The following PRKN variants were observed in gnomAD, a reference collection of about 807,000 sequenced individuals.
PRKN encodes the protein E3 ubiquitin-protein ligase parkin.
Under a neutral mutation model 59.5 loss-of-function variants are expected in PRKN, and 56 were observed. The ratio of observed to expected loss-of-function variants is 0.94; its 90% CI spans 0.76 to 1.18. The LOEUF (loss-of-function observed/expected upper bound fraction) is 1.18, where lower values mean the gene tolerates loss of function less well. Ranked by LOEUF, PRKN falls within the 50% of genes most tolerant of loss-of-function variation. The probability of loss-of-function intolerance (pLI) is 0.00; values close to 1 mark genes in which losing one functional copy is unlikely to be tolerated. For synonymous variants in PRKN, 250 were observed against 222.1 expected (o/e 1.13, Z -1.12); for missense variants, 657 against 596.4 (o/e 1.10, Z -1.06).
At chr6:162,235,604 G>A (rs543291868) in intron 3 of PRKN, among the ~76,000 whole-genome samples, 5 of 152,134 alleles carry the variant, frequency 3.3e-5, no homozygotes, top group African/African-American at 1.2e-4. Flanking sequence ...TCAGGAGTTC[G>A]AGACTAGCCT....
chr6:162,196,733 A>G (rs954443689), intron 4 of PRKN, among the ~76,000 whole-genome samples: 17 of 152,202 alleles, frequency 1.1e-4, no homozygotes, highest in African/African-American at 4.1e-4. Flanking sequence ...GGACAAAATT[A>G]ACTATCCATT....
intron 6 of PRKN, among the ~76,000 whole-genome samples, chr6:161,964,653 G>A (rs1407301530): frequency 6.6e-6 from 1 of 151,960 alleles, no homozygotes; most frequent in Non-Finnish European, 1.5e-5. Flanking sequence ...AGCTCTGTGT[G>A]CACAAACACT....
intron 7 of PRKN, among the ~76,000 whole-genome samples, chr6:161,583,908 C>T (rs1296141017): frequency 6.6e-6 from 1 of 152,172 alleles, no homozygotes; most frequent in Non-Finnish European, 1.5e-5. Context: ...CATTCAGAGG[C>T]ATTAAATTGG....
intron 6 of PRKN, among the ~76,000 whole-genome samples, chr6:161,955,702 T>A (rs1780146765): frequency 6.6e-6 from 1 of 151,960 alleles, no homozygotes; most frequent in South Asian, 2.1e-4. Flanking sequence ...AATACAAAAT[T>A]AGCCAGGCAT....
intron 3 of PRKN, among the ~76,000 whole-genome samples, chr6:162,235,200 A>G (rs950042237): frequency 6.6e-6 from 1 of 152,160 alleles, no homozygotes; most frequent in African/African-American, 2.4e-5. Context: ...TACTGTCCAG[A>G]TTGCTTTTAA....
chr6:162,383,707 A>AT (rs1305659992), intron 2 of PRKN, among the ~76,000 whole-genome samples: 2 of 152,206 alleles, frequency 1.3e-5, no homozygotes, highest in African/African-American at 2.4e-5. Flanking sequence ...CCATGCATTG[A>AT]TTTTTTCTCT....
At chr6:162,674,501 C>T (rs895434467) in intron 1 of PRKN, among the ~76,000 whole-genome samples, 1 of 152,098 alleles carries the variant, frequency 6.6e-6, no homozygotes. Flanking sequence ...GATTGGACAA[C>T]ATAACTAAGG....
chr6:161,754,539 C>T (rs768268520), intron 7 of PRKN, among the ~76,000 whole-genome samples: 5 of 151,976 alleles, frequency 3.3e-5, no homozygotes, highest in East Asian at 3.9e-4. Context: ...GAGAAGACAG[C>T]GGAATTGAAG....
At chr6:162,258,650 C>T (rs1439210699) in intron 3 of PRKN, among the ~76,000 whole-genome samples, 1 of 152,192 alleles carries the variant, frequency 6.6e-6, no homozygotes, top group East Asian at 1.9e-4. Context: ...TGGGAGCTTG[C>T]TGGAAACGCA....
rs114629569 is a variant in PRKN, at chr6:161,859,511, T to A, written c.735-73603A>T. Among the ~76,000 whole-genome samples the A allele has an allele frequency of 6.2e-3, 920 of 149,034 alleles. 16 individuals are homozygous for A. The highest frequency in any genetic ancestry group is 0.021 in the African/African-American group (864 of 40,454). On this transcript the variant is annotated intron_variant, in intron 6 of 11. Transcript: ENST00000366898. ...CTGTAATCTCAGCTACTCGGGAGGATGTGGCAGAAGAATTGCTTGAATCAG... is the reference window on the plus strand; with the variant it reads ...CTGTAATCTCAGCTACTCGGGAGGAAGTGGCAGAAGAATTGCTTGAATCAG...
intron 3 of PRKN, among the ~76,000 whole-genome samples, chr6:162,228,631 T>G (rs1231500139): frequency 2.0e-5 from 3 of 152,208 alleles, no homozygotes; most frequent in African/African-American, 7.2e-5. Flanking sequence ...GATAAATATG[T>G]GAGCTGATTG....
At chr6:161,625,592 TG>T (rs1225973958) in intron 7 of PRKN, among the ~76,000 whole-genome samples, 2 of 152,166 alleles carry the variant, frequency 1.3e-5, no homozygotes, top group Non-Finnish European at 2.9e-5. Flanking sequence ...ATAAAGTAGA[TG>T]ATTTCTCAAT....
At chr6:162,035,556 C>T (rs1313284158) in intron 5 of PRKN, among the ~76,000 whole-genome samples, 1 of 152,074 alleles carries the variant, frequency 6.6e-6, no homozygotes, top group African/African-American at 2.4e-5. Context: ...TTTCAAACTT[C>T]ATAAAAAATT....
chr6:162,688,049 A>G (rs886618707), intron 1 of PRKN, among the ~76,000 whole-genome samples: 2 of 152,220 alleles, frequency 1.3e-5, no homozygotes, highest in Non-Finnish European at 2.9e-5. Context: ...ACTTTTTAGA[A>G]TTATTCTGCT....
chr6:162,518,275 A>C (rs1777948596), intron 1 of PRKN, among the ~76,000 whole-genome samples: 1 of 152,188 alleles, frequency 6.6e-6, no homozygotes, highest in African/African-American at 2.4e-5. Flanking sequence ...AAGTAGTTCT[A>C]TATACACACA....
intron 1 of PRKN, among the ~76,000 whole-genome samples, chr6:162,649,111 A>T (rs1254576887): frequency 1.3e-5 from 2 of 152,196 alleles, no homozygotes; most frequent in Non-Finnish European, 2.9e-5. Flanking sequence ...ATATGTATAT[A>T]AACATTTCTT....
chr6:161,743,925 T>C (rs1353215990), intron 7 of PRKN, among the ~76,000 whole-genome samples: 1 of 152,154 alleles, frequency 6.6e-6, no homozygotes. Context: ...GGCTGCGTCT[T>C]TGCTAGAAAC....
intron 6 of PRKN, among the ~76,000 whole-genome samples, chr6:161,848,774 G>A (rs1793304094): frequency 1.3e-5 from 2 of 152,220 alleles, no homozygotes. Flanking sequence ...GACCATAGAG[G>A]ATATGTGAAA....
In PRKN at chr6:161,348,503, C is replaced by T. The variant is rs1408313865; in HGVS notation, c.*1596G>A. 9.4e-6 allele frequency: 2 copies of T among 213,232 alleles called. No homozygotes were observed. The highest frequency in any genetic ancestry group is 1.9e-5 in the Non-Finnish European group (2 of 105,418). The allele number at this position is 213,232 out of a possible 1,614,324, so 13.2% of individuals were successfully genotyped here. ...TGCAGAGCCCAGTCTCTCCCCGGTG[C>T]AGGGCCTCTGAGACGACGGGACTGT... On this transcript the variant is annotated 3_prime_UTR_variant, in exon 12 of 12. Coordinates refer to ENST00000366898, the MANE Select transcript of PRKN (RefSeq NM_004562.3). This position sits in a 1 kb window ranked among gnomAD's most constrained non-coding sequence, Gnocchi z 4.9.
Sources: allele counts gnomAD v4.1 joint callset (sites outside exome capture counted in the v4.1 genomes callset), GRCh38; gene constraint gnomAD v4.1.1; non-coding constraint Gnocchi (gnomAD v3.1); transcripts MANE v1.5; gene names NCBI Gene and HGNC (gene_info 2026-07-23, HGNC 2026-07-21).